Variants in KIF4A observed in about 807,000 individuals in gnomAD.
The protein encoded by KIF4A is kinesin family member 4A.
Under a neutral mutation model 105.9 loss-of-function variants are expected in KIF4A, and 7 were observed. The observed-to-expected ratio is 0.07, with a 90% CI of 0.04 to 0.12. The LOEUF (loss-of-function observed/expected upper bound fraction) is 0.12. Among genes scored for constraint, KIF4A ranks in the 10% least tolerant of loss-of-function variants. KIF4A has a pLI of 1.00. For missense variants in KIF4A, 558 were observed against 929.2 expected, an observed-to-expected ratio of 0.60 and a Z score of 5.19; for synonymous variants, 281 against 331.3, an observed-to-expected ratio of 0.85 and a Z score of 1.65.
intron 15 of KIF4A, chrX:70,362,407 T>C (rs189649355): frequency 5.3e-6 from 1 of 187,942 alleles, no homozygotes; most frequent in Admixed American, 5.7e-5. Context: ...GCCCCGCCCA[T>C]TGTATTCCTA....
chrX:70,386,768 T>C, intron 19 of KIF4A, 67 bp downstream of exon 19: 1 of 832,272 alleles, frequency 1.2e-6, no homozygotes, highest in Non-Finnish European at 1.8e-6. Context: ...TGCAAAGTAA[T>C]ATCCTTTAAA....
At chrX:70,371,514 G>A (rs1015435996) in intron 15 of KIF4A, among the ~76,000 whole-genome samples, 1 of 111,622 alleles carries the variant, frequency 9.0e-6, no homozygotes, top group Non-Finnish European at 1.9e-5. Context: ...CGGGGTGGTG[G>A]CCGGGCAGAA....
chrX:70,389,123 G>A (rs890629542), intron 20 of KIF4A, among the ~76,000 whole-genome samples: 3 of 111,303 alleles, frequency 2.7e-5, no homozygotes, highest in African/African-American at 9.8e-5. Flanking sequence ...AGACATGGTG[G>A]TGCATGCCTG....
chrX:70,310,860 T>C (rs2085846847), intron 7 of KIF4A, among the ~76,000 whole-genome samples: 1 of 111,426 alleles, frequency 9.0e-6, no homozygotes, highest in South Asian at 3.8e-4. Flanking sequence ...TCACAGAGGC[T>C]CACACCTATA....
intron 23 of KIF4A, among the ~76,000 whole-genome samples, 189 bp downstream of exon 23, chrX:70,402,884 A>C (rs2086287436): frequency 8.9e-6 from 1 of 112,347 alleles, no homozygotes; most frequent in African/African-American, 3.2e-5. Context: ...CAAAAATATA[A>C]TATGACTCAC....
chrX:70,330,108 A>C (rs2085924741), intron 8 of KIF4A, 49 bp from the exon 9 acceptor site: 2 of 1,083,845 alleles, frequency 1.8e-6, no homozygotes, highest in Non-Finnish European at 2.5e-6. Flanking sequence ...CTTATATCCT[A>C]CTTGTTTGAT....
chrX:70,298,394 T>C (rs1345304722), intron 4 of KIF4A, among the ~76,000 whole-genome samples: 1 of 109,148 alleles, frequency 9.2e-6, no homozygotes, highest in East Asian at 3.0e-4. Flanking sequence ...CCACTTCGCC[T>C]GGCTAATTTT....
intron 10 of KIF4A, among the ~76,000 whole-genome samples, chrX:70,335,198 A>G (rs971348411): frequency 1.8e-5 from 2 of 112,553 alleles, no homozygotes; most frequent in Admixed American, 1.9e-4. Context: ...ATGCAACAGA[A>G]TATCATTCAG....
intron 10 of KIF4A, among the ~76,000 whole-genome samples, chrX:70,335,009 G>C (rs2085945145): frequency 9.0e-6 from 1 of 111,686 alleles, no homozygotes; most frequent in Admixed American, 9.5e-5. Flanking sequence ...ATTAAAACTA[G>C]ACTTACCATA....
At chrX:70,398,257 C>T (rs1282461696) in intron 22 of KIF4A, among the ~76,000 whole-genome samples, 3 of 111,797 alleles carry the variant, frequency 2.7e-5, no homozygotes, top group Non-Finnish European at 3.8e-5. Context: ...AGGGTGGTCT[C>T]GAACTCCTGG....
chrX:70,342,010 T>G, intron 11 of KIF4A, 79 bp downstream of exon 11: 1 of 1,098,380 alleles, frequency 9.1e-7, no homozygotes, highest in Non-Finnish European at 1.2e-6. Flanking sequence ...ATGTATCTCA[T>G]TATGAGAGAC....
At chrX:70,364,451 C>T (rs1413944349) in intron 15 of KIF4A, among the ~76,000 whole-genome samples, 1 of 108,616 alleles carries the variant, frequency 9.2e-6, no homozygotes, top group Non-Finnish European at 1.9e-5. Flanking sequence ...TTTCAGCTTT[C>T]TACATATGGC....
intron 22 of KIF4A, among the ~76,000 whole-genome samples, chrX:70,400,784 T>C (rs2086278451): frequency 9.0e-6 from 1 of 111,193 alleles, no homozygotes; most frequent in Non-Finnish European, 1.9e-5. Context: ...GTTTTTGTTT[T>C]TTTGACAGAG....
chrX:70,308,983 A>G, intron 7 of KIF4A, among the ~76,000 whole-genome samples: 2 of 112,309 alleles, frequency 1.8e-5, no homozygotes, highest in Non-Finnish European at 1.9e-5. Flanking sequence ...TCCACGGTAT[A>G]CAGTCTACCT....
chrX:70,362,358 G>A (rs1422166309), intron 15 of KIF4A: 4 of 272,151 alleles, frequency 1.5e-5, no homozygotes, highest in Admixed American at 1.1e-4. Context: ...GGTGATCACC[G>A]GGATGCATAT....
chrX:70,400,763 G>GT (rs919620387), intron 22 of KIF4A, among the ~76,000 whole-genome samples: 105 of 106,407 alleles, frequency 9.9e-4, no homozygotes, highest in Non-Finnish European at 1.4e-3. Flanking sequence ...ATAGGTTTAT[G>GT]TTTTTTTTTT....
intron 15 of KIF4A, among the ~76,000 whole-genome samples, chrX:70,368,652 T>C (rs1387236421): frequency 1.8e-5 from 2 of 112,009 alleles, no homozygotes; most frequent in Non-Finnish European, 3.8e-5. Flanking sequence ...GGTGTCAGTC[T>C]GCCCCTCCTG....
intron 22 of KIF4A, among the ~76,000 whole-genome samples, chrX:70,401,469 C>T (rs1026741770): frequency 9.3e-6 from 1 of 107,703 alleles, no homozygotes; most frequent in Non-Finnish European, 1.9e-5. Flanking sequence ...GGCACGATCT[C>T]GGCTCACTGC....
At chrX:70,387,098 G>A in intron 19 of KIF4A, 86 bp from the exon 20 acceptor site, 1 of 655,835 alleles carries the variant, frequency 1.5e-6, no homozygotes, top group Non-Finnish European at 2.3e-6. Context: ...CAAACCCATA[G>A]AATTTTTATC....
Sources: gnomAD v4.1 joint callset for allele counts (sites outside exome capture counted in the v4.1 genomes callset) on GRCh38, gnomAD v4.1.1 for gene constraint, MANE v1.5 for transcripts, NCBI Gene and HGNC (gene_info 2026-07-23, HGNC 2026-07-21) for gene names.